BCAP29: variants seen among roughly 807,000 people sequenced by gnomAD.
The protein encoded by BCAP29 is B-cell receptor-associated protein 29.
Under a neutral mutation model 31.8 loss-of-function variants are expected in BCAP29, and 34 were observed. The observed-to-expected ratio is 1.07, with a 90% CI of 0.81 to 1.42. The LOEUF is 1.42. BCAP29 is among the 40% of genes most tolerant of loss of function. BCAP29 has a pLI of 0.00. For missense variants in BCAP29, 314 were observed against 269.2 expected, an observed-to-expected ratio of 1.17 and a Z score of -1.16; for synonymous variants, 104 against 91.3, an observed-to-expected ratio of 1.14 and a Z score of -0.79.
intron 6 of BCAP29, among the ~76,000 whole-genome samples, chr7:107,604,691 T>G (rs111698110): frequency 0.049 from 7,464 of 150,968 alleles, 279 homozygotes; most frequent in African/African-American, 0.091. Flanking sequence ...TGTTGTTTTT[T>G]TTTTTTTGCT....
chr7:107,607,883 C>A (rs1247400005), intron 6 of BCAP29, among the ~76,000 whole-genome samples: 1 of 152,096 alleles, frequency 6.6e-6, no homozygotes, highest in Non-Finnish European at 1.5e-5. Flanking sequence ...GGTGGTCCGC[C>A]TGCCTCGGCC....
chr7:107,584,014 T>C (rs749209054), intron 3 of BCAP29, 32 bp downstream of exon 3: 128 of 1,222,618 alleles, frequency 1.0e-4, no homozygotes, highest in South Asian at 2.9e-4. Flanking sequence ...TGAATAAATA[T>C]AACTTTTTTT....
intron 2 of BCAP29, 27 bp from the exon 3 acceptor site, chr7:107,583,855 A>G: frequency 8.3e-7 from 1 of 1,208,918 alleles, no homozygotes; most frequent in Non-Finnish European, 1.2e-6. Context: ...GTTTTTTTAT[A>G]CCTAATATAA....
At chr7:107,583,033 G>GT (rs929126415) in intron 2 of BCAP29, among the ~76,000 whole-genome samples, 24 of 152,008 alleles carry the variant, frequency 1.6e-4, no homozygotes, top group Admixed American at 1.4e-3. Flanking sequence ...AAGTGAAACT[G>GT]TTTTTTTCAA....
chr7:107,595,518 A>T (rs538819200), intron 4 of BCAP29, among the ~76,000 whole-genome samples: 21 of 152,346 alleles, frequency 1.4e-4, no homozygotes, highest in Admixed American at 1.2e-3. Flanking sequence ...TTCCTTAAAT[A>T]GCAGAATTTG....
At chr7:107,608,599 G>T (rs568417267) in intron 6 of BCAP29, among the ~76,000 whole-genome samples, 5 of 151,532 alleles carry the variant, frequency 3.3e-5, no homozygotes, top group Non-Finnish European at 5.9e-5. Context: ...TTTTTAATTG[G>T]GCTGGATTCT....
At chr7:107,601,566 A>C (rs569840713) in intron 6 of BCAP29, among the ~76,000 whole-genome samples, 1 of 152,348 alleles carries the variant, frequency 6.6e-6, no homozygotes, top group Admixed American at 6.5e-5. Flanking sequence ...AGTATAGCCC[A>C]AAATTCAAGA....
chr7:107,592,042 C>T (rs1282049857), intron 3 of BCAP29, among the ~76,000 whole-genome samples: 1 of 152,006 alleles, frequency 6.6e-6, no homozygotes, highest in Non-Finnish European at 1.5e-5. Context: ...CTGCCTCTGC[C>T]TCCCAAAGTG....
intron 6 of BCAP29, among the ~76,000 whole-genome samples, chr7:107,605,647 ATGAT>A (rs1256791883): frequency 1.3e-5 from 2 of 152,226 alleles, no homozygotes; most frequent in African/African-American, 4.8e-5. Context: ...GGTGCAGTGA[ATGAT>A]TGTGCTGTAT....
chr7:107,613,074 A>G (rs28401546), intron 6 of BCAP29, among the ~76,000 whole-genome samples: 7,430 of 152,202 alleles, frequency 0.049, 456 homozygotes, highest in African/African-American at 0.14. Context: ...GTTATGTTAG[A>G]TAATATTTTG....
chr7:107,580,879 A>T lies in BCAP29; in HGVS notation c.92+15A>T, dbSNP rs201820711. On this transcript the variant is annotated intron_variant, in intron 2 of 7. Coordinates refer to ENST00000005259, the MANE Select transcript of BCAP29 (RefSeq NM_018844.4). ...CCTCCTCAGAGGTAGGAAACCTTCAAATCGTTAACTAATAAATATTGGATC... is the reference window on the plus strand; with the variant it reads ...CCTCCTCAGAGGTAGGAAACCTTCATATCGTTAACTAATAAATATTGGATC... 1 of 1,537,296 alleles carries T rather than the reference A, an allele frequency of 6.5e-7. No homozygotes were observed. The highest frequency in any genetic ancestry group is 8.8e-7 in the Non-Finnish European group (1 of 1,133,602).
intron 3 of BCAP29, among the ~76,000 whole-genome samples, chr7:107,591,641 T>TAC (rs924671499): frequency 4.8e-5 from 2 of 41,740 alleles, no homozygotes; most frequent in Non-Finnish European, 1.5e-4. Flanking sequence ...CATACACACA[T>TAC]ACACACACAC....
intron 6 of BCAP29, among the ~76,000 whole-genome samples, chr7:107,607,419 T>C (rs1812300827): frequency 6.6e-6 from 1 of 152,184 alleles, no homozygotes; most frequent in Non-Finnish European, 1.5e-5. Context: ...GACTTTGTTA[T>C]AGGGAAGACG....
rs548624494 is a variant in BCAP29 at position 107,585,043 on chromosome 7, T to G, written c.193+1061T>G. On this transcript the variant is annotated intron_variant, in intron 3 of 7. Coordinates refer to ENST00000005259, the MANE Select transcript of BCAP29 (RefSeq NM_018844.4). ...TCCATGAGTCTTAGTAATCACCATG[T>G]TTTTCCAGTTGTTACTGAGCTCAGA... Among the ~76,000 whole-genome samples, 50 of 152,348 alleles carry G rather than the reference T, an allele frequency of 3.3e-4. 1 individual carries two copies. The highest frequency in any genetic ancestry group is 1.2e-3 in the African/African-American group (49 of 41,574).
intron 7 of BCAP29, among the ~76,000 whole-genome samples, chr7:107,614,746 A>G (rs1432364020): frequency 6.6e-6 from 1 of 152,236 alleles, no homozygotes; most frequent in Non-Finnish European, 1.5e-5. Context: ...AGAAGGGTGA[A>G]TACCCTGTAT....
intron 3 of BCAP29, among the ~76,000 whole-genome samples, chr7:107,584,826 A>T (rs1315992719): frequency 6.6e-6 from 1 of 152,226 alleles, no homozygotes; most frequent in Non-Finnish European, 1.5e-5. Context: ...GCATTGTTAC[A>T]TAGCAGGGTC....
chr7:107,597,226 C>G (rs1233711007), intron 5 of BCAP29, among the ~76,000 whole-genome samples: 2 of 152,076 alleles, frequency 1.3e-5, no homozygotes, highest in Non-Finnish European at 2.9e-5. Flanking sequence ...GAAAACACCC[C>G]CTTTGTTTTG....
chr7:107,581,650 A>G (rs1308276110), intron 2 of BCAP29, among the ~76,000 whole-genome samples: 1 of 152,230 alleles, frequency 6.6e-6, no homozygotes, highest in Non-Finnish European at 1.5e-5. Context: ...AAAGTATTTC[A>G]TAAGTGAGAT....
intron 3 of BCAP29, among the ~76,000 whole-genome samples, chr7:107,586,853 AAGTAG>A (rs1807793951): frequency 6.7e-6 from 1 of 150,274 alleles, no homozygotes; most frequent in Non-Finnish European, 1.5e-5. Context: ...GCAGCCTCCC[AAGTAG>A]CTGGGACTAC....
Sources: gnomAD v4.1 joint callset for allele counts (sites outside exome capture counted in the v4.1 genomes callset) on GRCh38, gnomAD v4.1.1 for gene constraint, MANE v1.5 for transcripts, NCBI Gene and HGNC (gene_info 2026-07-23, HGNC 2026-07-21) for gene names.